The following PCYT1A variants were observed in gnomAD, a reference collection of about 807,000 sequenced individuals.
The protein encoded by PCYT1A is phosphate cytidylyltransferase 1A, choline.
PCYT1A carries 25 observed loss-of-function variants against 43.7 expected under a neutral mutation model. The ratio of observed to expected loss-of-function variants is 0.57; its 90% confidence interval spans 0.42 to 0.80. The LOEUF is 0.80. Among genes scored for constraint, PCYT1A ranks in the 30% least tolerant of loss-of-function variants. The pLI is 0.00. For missense variants in PCYT1A, 421 were observed against 474.2 expected (o/e 0.89, Z 1.04); for synonymous variants, 172 against 170.7 (o/e 1.01, Z -0.06).
rs1725513634 is a variant in PCYT1A, at chr3:196,273,916, T to C, written c.-10-3375A>G. Among the ~76,000 whole-genome samples, 3 of 152,210 alleles carry C rather than the reference T, an allele frequency of 2.0e-5. No individual in the cohort carries two copies. On this transcript the variant is annotated intron_variant, in intron 1 of 8. Transcript: ENST00000431016. This position sits in a 1 kb window ranked among gnomAD's most constrained non-coding sequence, Gnocchi z 4.1. ...GGAGCCTGTCTGCCTCCTGCTGTCATCAACCTGCTGTCCACAGCGCCCAGG... is the reference window on the plus strand; with the variant it reads ...GGAGCCTGTCTGCCTCCTGCTGTCACCAACCTGCTGTCCACAGCGCCCAGG...
chr3:196,252,918 AT>A lies in PCYT1A; in HGVS notation c.218-4596del, dbSNP rs1261301232. On this transcript the variant is annotated intron_variant, in intron 3 of 8. Coordinates refer to ENST00000431016, the MANE Select transcript of PCYT1A (RefSeq NM_001312673.2). This position sits in a 1 kb window ranked among gnomAD's most constrained non-coding sequence, Gnocchi z 4.0. ...TCAACTAAAAAAAAAGAAGAAAAAA[AT>A]ATTTTTAAAAAGATAATTTTTAATA... 2.6e-5 allele frequency among the ~76,000 whole-genome samples: 4 copies of A among 151,594 alleles called. No homozygotes were observed. The highest frequency in any genetic ancestry group is 2.0e-4 in the East Asian group (1 of 5,088).
Position 196,234,696 on chromosome 3 carries a change from G to A in PCYT1A, c.*3992C>T, listed in dbSNP as rs1281734475. 1 of 152,218 alleles carries A rather than the reference G, an allele frequency of 6.6e-6. No individual in the cohort carries two copies. Among genetic ancestry groups the A allele is most frequent in the Admixed American group, 6.5e-5 (1 of 15,274 alleles). 9.4% of individuals were successfully genotyped at this position (152,218 alleles called of 1,614,324 possible). On this transcript the variant is annotated 3_prime_UTR_variant, in exon 9 of 9. Coordinates refer to ENST00000431016, the MANE Select transcript of PCYT1A (RefSeq NM_001312673.2). ...AAGTCATCCCAGTGTTAAACCTGGT[G>A]CTTCCGTTTTCTGCCTCAATCCGAG... is the stretch of plus-strand genomic sequence containing the variant.
chr3:196,246,107 T>C (rs1653117459), intron 5 of PCYT1A, among the ~76,000 whole-genome samples: 1 of 152,208 alleles, frequency 6.6e-6, no homozygotes, highest in Non-Finnish European at 1.5e-5. Context: ...CCACCTTTGG[T>C]GCCACTGGCT....
intron 2 of PCYT1A, among the ~76,000 whole-genome samples, chr3:196,261,800 A>AT (rs1417151288): frequency 6.6e-6 from 1 of 152,118 alleles, no homozygotes. Context: ...AAAAAAAAAA[A>AT]AAAAGAGATA....
At chr3:196,283,206 G>A (rs1055317367) in intron 1 of PCYT1A, among the ~76,000 whole-genome samples, 2 of 152,058 alleles carry the variant, frequency 1.3e-5, no homozygotes, top group Non-Finnish European at 2.9e-5. Context: ...GCGTGGTGGC[G>A]GGCACCTGTA....
intron 2 of PCYT1A, among the ~76,000 whole-genome samples, chr3:196,264,694 C>T (rs933726096): frequency 6.6e-6 from 1 of 151,974 alleles, no homozygotes; most frequent in African/African-American, 2.4e-5. Context: ...CCAACCCAGG[C>T]ATCTAATACC....
chr3:196,241,841 G>T, intron 7 of PCYT1A, 107 bp downstream of exon 7: 7 of 1,347,346 alleles, frequency 5.2e-6, no homozygotes, highest in African/African-American at 1.4e-5. Context: ...CTGAACTTTT[G>T]GGAGTGATCA....
At chr3:196,263,907 C>G (rs755880219) in intron 2 of PCYT1A, among the ~76,000 whole-genome samples, 38 of 151,566 alleles carry the variant, frequency 2.5e-4, no homozygotes, top group Non-Finnish European at 5.3e-4. Flanking sequence ...GTTGGGATTA[C>G]GGGCATGAGC....
chr3:196,251,218 G>T (rs1724770825), intron 3 of PCYT1A, among the ~76,000 whole-genome samples: 1 of 151,506 alleles, frequency 6.6e-6, no homozygotes, highest in Non-Finnish European at 1.5e-5. Context: ...TGAGGCTGAG[G>T]ACCAGATACA....
At chr3:196,264,390 G>A (rs771898227) in intron 2 of PCYT1A, among the ~76,000 whole-genome samples, 2 of 152,038 alleles carry the variant, frequency 1.3e-5, no homozygotes, top group Non-Finnish European at 2.9e-5. Flanking sequence ...ATGCCCAGCC[G>A]ATTTTACCTT....
chr3:196,261,444 C>T (rs908877530), intron 2 of PCYT1A, among the ~76,000 whole-genome samples: 1 of 152,046 alleles, frequency 6.6e-6, no homozygotes, highest in African/African-American at 2.4e-5. Flanking sequence ...ATCATGAGGT[C>T]AGGAGTTCGA....
At chr3:196,284,221 A>G (rs1725844100) in intron 1 of PCYT1A, among the ~76,000 whole-genome samples, 1 of 152,198 alleles carries the variant, frequency 6.6e-6, no homozygotes, top group Non-Finnish European at 1.5e-5. Context: ...ATCCATCATT[A>G]ATAACAATGG....
At position 196,258,842 on chromosome 3, in the gene PCYT1A, C is replaced by G. The variant is rs753476084; in HGVS notation, c.118-955G>C. On this transcript the variant is annotated intron_variant, in intron 2 of 8. Transcript: ENST00000431016. ...CCTCAAGCAATCATTCCACCTTGGC[C>G]TCCCAAAGTGCTGGGATTACAGGCG... Among the ~76,000 whole-genome samples the G allele has an allele frequency of 3.9e-5, 6 of 152,152 alleles. No homozygotes were observed. In the South Asian group the frequency reaches 1.2e-3, roughly 32 times the overall value.
chr3:196,261,691 G>A lies in PCYT1A; in HGVS notation c.118-3804C>T, dbSNP rs530171853. 2.0e-5 allele frequency among the ~76,000 whole-genome samples: 3 copies of A among 152,002 alleles called. No homozygotes were observed. In the South Asian group the frequency reaches 6.2e-4, roughly 32 times the overall value. On this transcript the variant is annotated intron_variant, in intron 2 of 8. Transcript: ENST00000431016. The stretch of plus-strand genomic sequence containing the variant: ...TGCAATCCCAGCTACTCGGGAGGCT[G>A]AGGCAGGAGAATTGCTTGAACTCGG...
intron 1 of PCYT1A, among the ~76,000 whole-genome samples, chr3:196,284,914 A>G (rs1274461242): frequency 6.6e-6 from 1 of 152,188 alleles, no homozygotes; most frequent in African/African-American, 2.4e-5. Flanking sequence ...AGCTATGTAG[A>G]ATGTAAGTCA....
intron 2 of PCYT1A, among the ~76,000 whole-genome samples, chr3:196,259,485 G>A (rs375492070): frequency 2.8e-4 from 43 of 152,188 alleles, no homozygotes; most frequent in African/African-American, 9.9e-4. Context: ...TTTGTTTTCA[G>A]GTAAGTGTAG....
rs1232207713 is a variant in PCYT1A at position 196,239,573 on chromosome 3, C to G, written c.871G>C (p.Glu291Gln). Reference protein sequence around the residue: ...KSREFIGSFLEMFGPEGALKH... With the variant: ...KSREFIGSFLQMFGPEGALKH... Reference sequence around the variant, plus strand: ...AGTGCTCCTTCCGGACCAAACATTTCCAGAAAACTTCCAATGAATTCTCGG... The same window carrying G: ...AGTGCTCCTTCCGGACCAAACATTTGCAGAAAACTTCCAATGAATTCTCGG... The change falls in exon 8 of 9, where the codon GAA becomes CAA. Residue 291 changes from glutamate to glutamine, a missense_variant. By Grantham distance (29) the Glu-to-Gln change is conservative. Transcript: ENST00000431016. The G allele has an allele frequency of 9.9e-6, 16 of 1,612,820 alleles. No individual in the cohort carries two copies. Among genetic ancestry groups the G allele is most frequent in the Admixed American group, 1.7e-5 (1 of 60,020 alleles).
intron 1 of PCYT1A, among the ~76,000 whole-genome samples, chr3:196,281,062 C>T (rs907195541): frequency 6.6e-6 from 1 of 152,238 alleles, no homozygotes; most frequent in Non-Finnish European, 1.5e-5. Flanking sequence ...TCTAGGCCTA[C>T]ATTATCTTCC....
intron 1 of PCYT1A, among the ~76,000 whole-genome samples, chr3:196,271,181 C>A (rs1241565866): frequency 7.1e-6 from 1 of 140,248 alleles, no homozygotes; most frequent in Non-Finnish European, 1.6e-5. Context: ...CATGCCACCA[C>A]ACCTAGTTAT....
Sources: allele counts gnomAD v4.1 joint callset (sites outside exome capture counted in the v4.1 genomes callset), GRCh38; gene constraint gnomAD v4.1.1; non-coding constraint Gnocchi (gnomAD v3.1); transcripts MANE v1.5; gene names NCBI Gene and HGNC (gene_info 2026-07-23, HGNC 2026-07-21).